Variants in SYT1 observed in about 807,000 individuals in gnomAD.
SYT1 encodes synaptotagmin 1.
A neutral mutation model predicts 44.8 loss-of-function variants in SYT1; 8 were observed. That is an observed-to-expected ratio of 0.18 (90% CI 0.10 to 0.32). SYT1 has a LOEUF of 0.32. Ranked by LOEUF, SYT1 falls within the 10% of genes least tolerant of loss-of-function variation. The pLI is 1.00. For missense variants in SYT1, 286 were observed against 509.3 expected (o/e 0.56, Z 4.22); for synonymous variants, 154 against 188.8 (o/e 0.82, Z 1.51).
At chr12:79,344,170 T>A (rs1882500836) in intron 8 of SYT1, among the ~76,000 whole-genome samples, 1 of 152,230 alleles carries the variant, frequency 6.6e-6, no homozygotes, top group African/African-American at 2.4e-5. Context: ...CAAATCCTTC[T>A]TATACAGACA....
intron 3 of SYT1, among the ~76,000 whole-genome samples, chr12:79,050,325 A>T (rs1384526507): frequency 2.7e-5 from 4 of 148,602 alleles, no homozygotes; most frequent in Non-Finnish European, 5.9e-5. Flanking sequence ...AAGGAAGAGG[A>T]GGGGTTGGTT....
chr12:79,296,336 C>T, intron 7 of SYT1, 100 bp downstream of exon 7: 2 of 1,207,352 alleles, frequency 1.7e-6, no homozygotes, highest in South Asian at 1.6e-5. Flanking sequence ...AATGCTTGTT[C>T]AGGCACTCAC....
chr12:78,924,729 A>G lies in SYT1; in HGVS notation c.-216-53070A>G, dbSNP rs867273842. On this transcript the variant is annotated intron_variant, in intron 1 of 10. Coordinates refer to ENST00000261205, the MANE Select transcript of SYT1 (RefSeq NM_005639.3). ...GATTTGAGTTAAGGGAGCTCCTTCA[A>G]GCTAGCTTCTACGTCCTTTTGATGT... 2.0e-5 allele frequency among the ~76,000 whole-genome samples: 3 copies of G among 150,708 alleles called. No individual in the cohort carries two copies. In the South Asian group the frequency reaches 6.2e-4, roughly 31 times the overall value.
At chr12:79,106,340 C>T (rs140797847) in intron 3 of SYT1, among the ~76,000 whole-genome samples, 3 of 152,138 alleles carry the variant, frequency 2.0e-5, no homozygotes, top group East Asian at 1.9e-4. Flanking sequence ...ATGAGATAGG[C>T]GAGTGATCCA....
Position 79,096,600 on chromosome 12 carries a change from C to G in SYT1, c.-18+49238C>G, listed in dbSNP as rs147989706. Among the ~76,000 whole-genome samples the G allele has an allele frequency of 4.7e-3, 715 of 151,962 alleles. 7 individuals are homozygous for G. Among genetic ancestry groups the G allele is most frequent in the Middle Eastern group, 0.024 (7 of 294 alleles). On this transcript the variant is annotated intron_variant, in intron 3 of 10. Transcript: ENST00000261205. ...CCTTGAAGGATGAGACAGAGTTTCC[C>G]CTTGAAAGGAGGCATTTTAGGTGAA...
At chr12:79,072,114 G>A (rs1385150792) in intron 3 of SYT1, among the ~76,000 whole-genome samples, 2 of 152,046 alleles carry the variant, frequency 1.3e-5, no homozygotes, top group East Asian at 1.9e-4. Flanking sequence ...ATTGTTATCT[G>A]TAGAATTTCT....
intron 4 of SYT1, among the ~76,000 whole-genome samples, chr12:79,247,298 A>G (rs1876908600): frequency 6.6e-6 from 1 of 152,190 alleles, no homozygotes; most frequent in African/African-American, 2.4e-5. Context: ...CTTTCGGTTC[A>G]CTGCTTTTAA....
chr12:79,371,278 C>G (rs944132488), intron 9 of SYT1, among the ~76,000 whole-genome samples: 2 of 152,224 alleles, frequency 1.3e-5, no homozygotes, highest in Non-Finnish European at 2.9e-5. Context: ...CAGCTTCCCC[C>G]ACCTAGACAG....
chr12:78,891,581 C>T (rs778081724), intron 1 of SYT1, among the ~76,000 whole-genome samples: 42 of 151,954 alleles, frequency 2.8e-4, no homozygotes, highest in Non-Finnish European at 5.2e-4. Flanking sequence ...AAAGTCTCCA[C>T]GGTGAAATGA....
chr12:79,050,739 C>T (rs1424974103), intron 3 of SYT1, among the ~76,000 whole-genome samples: 8 of 151,930 alleles, frequency 5.3e-5, no homozygotes, highest in Non-Finnish European at 1.0e-4. Context: ...AGATTTTAAC[C>T]AATAAAACAT....
chr12:79,063,872 C>A (rs1875565948), intron 3 of SYT1, among the ~76,000 whole-genome samples: 1 of 152,154 alleles, frequency 6.6e-6, no homozygotes, highest in Admixed American at 6.6e-5. Context: ...AATATCAGAG[C>A]TTTGACCCAG....
intron 9 of SYT1, among the ~76,000 whole-genome samples, chr12:79,441,889 G>T (rs570794482): frequency 6.6e-6 from 1 of 152,204 alleles, no homozygotes; most frequent in South Asian, 2.1e-4. Flanking sequence ...TTCAGTTCTT[G>T]GCTAAAATGT....
At chr12:79,386,511 C>G (rs1884442265) in intron 9 of SYT1, among the ~76,000 whole-genome samples, 1 of 152,060 alleles carries the variant, frequency 6.6e-6, no homozygotes, top group African/African-American at 2.4e-5. Flanking sequence ...AGCCCCCCAA[C>G]CCCCACAGAC....
chr12:79,177,031 ATTTC>A (rs1432411647), intron 3 of SYT1, among the ~76,000 whole-genome samples: 1 of 70,268 alleles, frequency 1.4e-5, no homozygotes, highest in Non-Finnish European at 2.7e-5. Context: ...GTAAAAGCAT[ATTTC>A]TTTTTTTTTT....
chr12:79,128,163 C>T (rs777776773), intron 3 of SYT1, among the ~76,000 whole-genome samples: 23 of 152,032 alleles, frequency 1.5e-4, no homozygotes, highest in Non-Finnish European at 2.6e-4. Flanking sequence ...GAGGCCAAGA[C>T]GGGGAGGATC....
At chr12:79,397,493 G>C (rs2136107203) in intron 9 of SYT1, among the ~76,000 whole-genome samples, 1 of 152,230 alleles carries the variant, frequency 6.6e-6, no homozygotes, top group Admixed American at 6.5e-5. Context: ...CTCCCAAAGT[G>C]TTGCGATTAC....
rs369058280 is a variant in SYT1, at chr12:79,327,860, G to A, written c.811-25642G>A. On this transcript the variant is annotated intron_variant, in intron 8 of 10. Coordinates refer to ENST00000261205, the MANE Select transcript of SYT1 (RefSeq NM_005639.3). ...CTTCCAAGAAGAGGAAGCAGGGAAA[G>A]CATTGGAACATGTAAAGAACAAGAT... Among the ~76,000 whole-genome samples the A allele has an allele frequency of 2.4e-4, 37 of 152,290 alleles. 1 individual carries two copies. The highest frequency in any genetic ancestry group is 7.2e-4 in the African/African-American group (30 of 41,536).
intron 1 of SYT1, among the ~76,000 whole-genome samples, chr12:78,946,459 AG>A (rs1878661153): frequency 6.6e-6 from 1 of 152,190 alleles, no homozygotes; most frequent in African/African-American, 2.4e-5. Context: ...GTTCAAGACC[AG>A]CCTGGCCAAC....
intron 9 of SYT1, among the ~76,000 whole-genome samples, chr12:79,361,304 G>C (rs1383965898): frequency 6.6e-6 from 1 of 152,108 alleles, no homozygotes. Context: ...GGACAGAGAG[G>C]TACATAACTT....
Sources: allele counts gnomAD v4.1 joint callset (sites outside exome capture counted in the v4.1 genomes callset), GRCh38; gene constraint gnomAD v4.1.1; transcripts MANE v1.5; gene names NCBI Gene and HGNC (gene_info 2026-07-23, HGNC 2026-07-21).